The following THSD7A variants were observed in gnomAD, a reference collection of about 807,000 sequenced individuals.
THSD7A encodes thrombospondin type 1 domain containing 7A.
THSD7A carries 96 observed loss-of-function variants against 231.3 expected under a neutral mutation model. That is an observed-to-expected ratio of 0.41 (90% CI 0.35 to 0.49). The LOEUF (loss-of-function observed/expected upper bound fraction) is 0.49, where lower values mean the gene tolerates loss of function less well. THSD7A is among the 20% of genes least tolerant of loss of function. The probability of loss-of-function intolerance (pLI) is 0.05; values close to 1 mark genes in which losing one functional copy is unlikely to be tolerated. For synonymous variants in THSD7A, 940 were observed against 743.3 expected (o/e 1.26, Z -4.30); for missense variants, 2,290 against 2,070.2 (o/e 1.11, Z -2.06).
At chr7:11,513,161 A>G (rs1053124839) in intron 6 of THSD7A, among the ~76,000 whole-genome samples, 13 of 151,256 alleles carry the variant, frequency 8.6e-5, no homozygotes, top group Non-Finnish European at 1.5e-4. Context: ...CTTGGGGGGA[A>G]GAGTGGGAGG....
intron 1 of THSD7A, among the ~76,000 whole-genome samples, chr7:11,769,153 A>ATATATATTT: frequency 6.1e-4 from 17 of 27,644 alleles, no homozygotes; most frequent in South Asian, 1.4e-3. Flanking sequence ...ATATATATAT[A>ATATATATTT]TTTTTTTTTT....
At chr7:11,518,998 C>T (rs1788151620) in intron 6 of THSD7A, among the ~76,000 whole-genome samples, 1 of 152,164 alleles carries the variant, frequency 6.6e-6, no homozygotes, top group Admixed American at 6.5e-5. Flanking sequence ...TGCATCTGTT[C>T]TCCTGAATGA....
At chr7:11,487,234 G>C (rs1786695211) in intron 6 of THSD7A, among the ~76,000 whole-genome samples, 1 of 151,900 alleles carries the variant, frequency 6.6e-6, no homozygotes, top group South Asian at 2.1e-4. Context: ...CTTATTATCA[G>C]GATAAGAGAC....
chr7:11,573,517 A>T (rs1322254741), intron 4 of THSD7A, among the ~76,000 whole-genome samples: 2 of 152,216 alleles, frequency 1.3e-5, no homozygotes, highest in Non-Finnish European at 1.5e-5. Context: ...TCAGTTCACA[A>T]CTGTAATCAC....
intron 13 of THSD7A, among the ~76,000 whole-genome samples, chr7:11,445,427 C>T (rs751014867): frequency 6.6e-6 from 1 of 151,872 alleles, no homozygotes; most frequent in Non-Finnish European, 1.5e-5. Flanking sequence ...ATAATTGCTG[C>T]GTTTTTCCTT....
At chr7:11,412,568 A>C (rs575180980) in intron 18 of THSD7A, 88 bp downstream of exon 18, 26 of 1,466,118 alleles carry the variant, frequency 1.8e-5, no homozygotes, top group Non-Finnish European at 2.4e-5. Flanking sequence ...GCACACAGGT[A>C]GAGATGAACT....
At chr7:11,381,458 T>C (rs896477338) in intron 24 of THSD7A, among the ~76,000 whole-genome samples, 2 of 152,162 alleles carry the variant, frequency 1.3e-5, no homozygotes, top group Non-Finnish European at 2.9e-5. Context: ...AATATAAAGA[T>C]GGATAGTTTT....
chr7:11,573,314 T>C (rs887601565), intron 4 of THSD7A, among the ~76,000 whole-genome samples: 3 of 152,212 alleles, frequency 2.0e-5, no homozygotes, highest in African/African-American at 4.8e-5. Context: ...ACACTGAGAC[T>C]CTTGGACTCT....
chr7:11,790,841 T>G (rs1334265665), intron 1 of THSD7A, among the ~76,000 whole-genome samples: 1 of 151,976 alleles, frequency 6.6e-6, no homozygotes, highest in Non-Finnish European at 1.5e-5. Context: ...TTATTTTTCT[T>G]AATTCTCTAA....
chr7:11,753,087 A>G (rs1156743823), intron 1 of THSD7A, among the ~76,000 whole-genome samples: 1 of 152,264 alleles, frequency 6.6e-6, no homozygotes, highest in South Asian at 2.1e-4. Flanking sequence ...TGGAGGTTAT[A>G]TAAGAAACCA....
At chr7:11,464,464 C>T (rs1785623130) in intron 9 of THSD7A, among the ~76,000 whole-genome samples, 1 of 152,072 alleles carries the variant, frequency 6.6e-6, no homozygotes, top group Non-Finnish European at 1.5e-5. Context: ...TGGTGCATAG[C>T]CAGGGCTGTT....
intron 1 of THSD7A, among the ~76,000 whole-genome samples, chr7:11,749,508 G>GTGTA (rs1439301082): frequency 8.3e-5 from 12 of 144,358 alleles, no homozygotes; most frequent in East Asian, 3.9e-4. Flanking sequence ...TCACCCAAAT[G>GTGTA]TGTATGTTTG....
chr7:11,751,645 T>C (rs754590694), intron 1 of THSD7A, among the ~76,000 whole-genome samples: 1 of 151,990 alleles, frequency 6.6e-6, no homozygotes, highest in Non-Finnish European at 1.5e-5. Flanking sequence ...ACTCCTAGTC[T>C]AATCTTGATC....
intron 6 of THSD7A, among the ~76,000 whole-genome samples, chr7:11,536,587 T>G (rs184529732): frequency 6.6e-6 from 1 of 152,336 alleles, no homozygotes; most frequent in East Asian, 1.9e-4. Context: ...TACAACTGTA[T>G]GGTGAATCCT....
chr7:11,506,542 T>C (rs1252415031), intron 6 of THSD7A, among the ~76,000 whole-genome samples: 2 of 152,164 alleles, frequency 1.3e-5, no homozygotes, highest in Non-Finnish European at 2.9e-5. Context: ...GATCACAACA[T>C]TCTCTGTGGA....
chr7:11,756,482 C>CT (rs1782681168), intron 1 of THSD7A, among the ~76,000 whole-genome samples: 2 of 152,114 alleles, frequency 1.3e-5, no homozygotes, highest in Middle Eastern at 3.4e-3. Context: ...GTCTAATACA[C>CT]TTTTTTCTGA....
intron 1 of THSD7A, among the ~76,000 whole-genome samples, chr7:11,769,149 A>ATTTTTTTTTTTTT (rs1245740094): frequency 1.1e-4 from 4 of 36,298 alleles, no homozygotes; most frequent in Non-Finnish European, 2.4e-4. Context: ...ATATATATAT[A>ATTTTTTTTTTTTT]TATATTTTTT....
intron 17 of THSD7A, among the ~76,000 whole-genome samples, chr7:11,415,437 T>A (rs1364527280): frequency 6.6e-6 from 1 of 152,190 alleles, no homozygotes; most frequent in East Asian, 1.9e-4. Flanking sequence ...AGCCTAAGTC[T>A]AACTCCCAAA....
chr7:11,711,921 T>C (rs189562612), intron 1 of THSD7A, among the ~76,000 whole-genome samples: 1 of 151,160 alleles, frequency 6.6e-6, no homozygotes, highest in East Asian at 2.0e-4. Context: ...TTCTCCTATT[T>C]GGATTTCTCC....
Sources: gnomAD v4.1 joint callset for allele counts (sites outside exome capture counted in the v4.1 genomes callset) on GRCh38, gnomAD v4.1.1 for gene constraint, MANE v1.5 for transcripts, NCBI Gene and HGNC (gene_info 2026-07-23, HGNC 2026-07-21) for gene names.